KCTD8: variants seen among roughly 807,000 people sequenced by gnomAD.
The protein encoded by KCTD8 is BTB/POZ domain-containing protein KCTD8.
Under a neutral mutation model 31.5 loss-of-function variants are expected in KCTD8, and 27 were observed. The ratio of observed to expected loss-of-function variants is 0.86; its 90% CI spans 0.63 to 1.18. The LOEUF is 1.18. Among genes scored for constraint, KCTD8 ranks in the 50% most tolerant of loss-of-function variants. The pLI is 0.00. For missense variants in KCTD8, 658 were observed against 647.7 expected, an observed-to-expected ratio of 1.02 and a Z score of -0.17; for synonymous variants, 290 against 280.0, an observed-to-expected ratio of 1.04 and a Z score of -0.36.
chr4:44,393,193 T>C (rs2109451252), intron 1 of KCTD8, among the ~76,000 whole-genome samples: 1 of 152,086 alleles, frequency 6.6e-6, no homozygotes, highest in Non-Finnish European at 1.5e-5. Context: ...TTCAGGAGCA[T>C]TATAACAGCA....
At chr4:44,181,894 T>G (rs1266404440) in intron 1 of KCTD8, among the ~76,000 whole-genome samples, 1 of 143,084 alleles carries the variant, frequency 7.0e-6, no homozygotes, top group South Asian at 2.3e-4. Flanking sequence ...CCCCTCCGCC[T>G]GGCAGCCGCC....
At chr4:44,183,357 G>T (rs537508981) in intron 1 of KCTD8, among the ~76,000 whole-genome samples, 1 of 151,794 alleles carries the variant, frequency 6.6e-6, no homozygotes, top group African/African-American at 2.4e-5. Flanking sequence ...TGTTCAAAAG[G>T]GTATTTAAGA....
chr4:44,209,284 A>T (rs1449937606), intron 1 of KCTD8, among the ~76,000 whole-genome samples: 1 of 152,100 alleles, frequency 6.6e-6, no homozygotes, highest in Non-Finnish European at 1.5e-5. Context: ...GAGATTCAGA[A>T]CTTCTGTTCA....
intron 1 of KCTD8, among the ~76,000 whole-genome samples, chr4:44,353,662 T>C (rs1257478693): frequency 3.3e-5 from 5 of 152,188 alleles, no homozygotes; most frequent in South Asian, 4.1e-4. Context: ...TTCTACTGTC[T>C]CCACTAGTTC....
intron 1 of KCTD8, among the ~76,000 whole-genome samples, chr4:44,386,945 T>C (rs1376250402): frequency 6.6e-6 from 1 of 151,782 alleles, no homozygotes; most frequent in Non-Finnish European, 1.5e-5. Context: ...ATTATCTTTA[T>C]TTGCAGAGGA....
intron 1 of KCTD8, among the ~76,000 whole-genome samples, chr4:44,407,688 C>T (rs1720835913): frequency 6.6e-6 from 1 of 151,948 alleles, no homozygotes; most frequent in African/African-American, 2.4e-5. Flanking sequence ...ACCCAGCAGA[C>T]ATTAATTTTT....
chr4:44,443,553 G>T (rs1721864062), intron 1 of KCTD8, among the ~76,000 whole-genome samples: 1 of 152,144 alleles, frequency 6.6e-6, no homozygotes, highest in Admixed American at 6.6e-5. Flanking sequence ...GCCCAGTTCA[G>T]TAACAGCATT....
At chr4:44,365,224 T>C (rs1719600484) in intron 1 of KCTD8, among the ~76,000 whole-genome samples, 2 of 152,062 alleles carry the variant, frequency 1.3e-5, no homozygotes, top group African/African-American at 2.4e-5. Context: ...TAAACCTATA[T>C]TTTTTCTAAA....
At chr4:44,223,907 T>A (rs1392821016) in intron 1 of KCTD8, among the ~76,000 whole-genome samples, 2 of 152,224 alleles carry the variant, frequency 1.3e-5, no homozygotes, top group Non-Finnish European at 2.9e-5. Flanking sequence ...GTTGAGAAGT[T>A]GCAATACAGA....
At chr4:44,327,205 A>G (rs1304056093) in intron 1 of KCTD8, among the ~76,000 whole-genome samples, 1 of 151,844 alleles carries the variant, frequency 6.6e-6, no homozygotes, top group African/African-American at 2.4e-5. Flanking sequence ...GAAATTGAAA[A>G]CACACATTTT....
intron 1 of KCTD8, among the ~76,000 whole-genome samples, chr4:44,425,800 T>C (rs1028111065): frequency 6.6e-6 from 1 of 151,912 alleles, no homozygotes; most frequent in African/African-American, 2.4e-5. Context: ...GGAAACATCC[T>C]TGTGGGATGA....
intron 1 of KCTD8, among the ~76,000 whole-genome samples, chr4:44,288,356 A>C (rs1012837548): frequency 9.9e-5 from 15 of 152,170 alleles, no homozygotes; most frequent in Non-Finnish European, 4.4e-5. Context: ...CTTTCTTTAA[A>C]AACATGGATA....
chr4:44,186,214 C>T (rs1352107172), intron 1 of KCTD8, among the ~76,000 whole-genome samples: 2 of 152,260 alleles, frequency 1.3e-5, no homozygotes, highest in East Asian at 1.9e-4. Context: ...CACTGGCAGA[C>T]GCCAGCAGGC....
At chr4:44,287,943 A>G (rs1486292630) in intron 1 of KCTD8, among the ~76,000 whole-genome samples, 1 of 152,176 alleles carries the variant, frequency 6.6e-6, no homozygotes, top group Non-Finnish European at 1.5e-5. Flanking sequence ...TAAATATTAT[A>G]AGAAGTATAG....
chr4:44,409,939 T>G (rs1249131364), intron 1 of KCTD8, among the ~76,000 whole-genome samples: 1 of 152,166 alleles, frequency 6.6e-6, no homozygotes, highest in Non-Finnish European at 1.5e-5. Flanking sequence ...ACTGGGGCTT[T>G]TATTGCAAGT....
At chr4:44,392,799 T>C (rs1560443686) in intron 1 of KCTD8, among the ~76,000 whole-genome samples, 1 of 152,032 alleles carries the variant, frequency 6.6e-6, no homozygotes, top group Non-Finnish European at 1.5e-5. Flanking sequence ...ACAGTCTAGC[T>C]TCATCATAAT....
intron 1 of KCTD8, among the ~76,000 whole-genome samples, chr4:44,285,235 A>G (rs1296478113): frequency 6.6e-6 from 1 of 152,194 alleles, no homozygotes; most frequent in African/African-American, 2.4e-5. Context: ...TTGTCCATCA[A>G]TGGTAGACTG....
rs534617337 is a variant in KCTD8 at position 44,249,551 on chromosome 4, G to T, written c.962-74301C>A. 5.3e-5 allele frequency among the ~76,000 whole-genome samples: 8 copies of T among 151,854 alleles called. No homozygotes were observed. In the East Asian group the frequency reaches 1.6e-3, roughly 29 times the overall value. Reference sequence around the variant, plus strand: ...CCATTAAAATGTAAAAGCAGTCATAGATGACAAATAAATAAGCATGGTTTC... The same window carrying T: ...CCATTAAAATGTAAAAGCAGTCATATATGACAAATAAATAAGCATGGTTTC... On this transcript the variant is annotated intron_variant, in intron 1 of 1. Coordinates refer to ENST00000360029, the MANE Select transcript of KCTD8 (RefSeq NM_198353.3).
intron 1 of KCTD8, among the ~76,000 whole-genome samples, chr4:44,335,693 AC>A (rs1346785407): frequency 1.3e-5 from 2 of 152,196 alleles, no homozygotes; most frequent in Non-Finnish European, 2.9e-5. Flanking sequence ...TTTTTAGGAT[AC>A]TTTCAGGAAA....
Sources: gnomAD v4.1 joint callset for allele counts (sites outside exome capture counted in the v4.1 genomes callset) on GRCh38, gnomAD v4.1.1 for gene constraint, MANE v1.5 for transcripts, NCBI Gene and HGNC (gene_info 2026-07-23, HGNC 2026-07-21) for gene names.